Variants in SMIM22 observed in about 807,000 individuals in gnomAD.
The protein encoded by SMIM22 is cancer associated small integral membrane open reading frame 1.
SMIM22 carries 16 observed loss-of-function variants against 8.4 expected under a neutral mutation model. The ratio of observed to expected loss-of-function variants is 1.90; its 90% CI spans 1.29 to 2.89. The LOEUF (loss-of-function observed/expected upper bound fraction) is 2.89, where lower values mean the gene tolerates loss of function less well. Among genes scored for constraint, SMIM22 ranks in the 30% most tolerant of loss-of-function variants. The pLI, the probability that SMIM22 is intolerant of heterozygous loss-of-function variation, is 0.00. For missense variants in SMIM22, 159 were observed against 107.5 expected (o/e 1.48, Z -2.12); for synonymous variants, 67 against 47.6 (o/e 1.41, Z -1.68).
rs1195525816 is a variant in SMIM22 at position 4,795,758 on chromosome 16, G to T, written c.24G>T (p.Leu8=). MAVSTEE[L]EATVQEVLGR... ...AGATGGCTGTGTCCACAGAGGAGCT[G>T]GAGGCCACGGTTCAGGAAGTCCTGG... The change falls in exon 2 of 4, where the codon CTG becomes CTT. Residue 8 remains leucine (L), a synonymous_variant. Transcript: ENST00000586005. 6.5e-7 allele frequency: 1 copy of T among 1,535,814 alleles called. No homozygotes were observed. The highest frequency in any genetic ancestry group is 2.4e-5 in the East Asian group (1 of 40,920).
rs2082644777 is a variant in SMIM22, at chr16:4,796,343, A to G, written c.*112A>G. ...TGGGTGACGCGGGACTCGCCGCCCC[A>G]CTCAGGTGGCCACCTGGCCTCTCCA... On this transcript the variant is annotated 3_prime_UTR_variant, in exon 4 of 4. Transcript: ENST00000586005. The G allele has an allele frequency of 7.6e-7, 1 of 1,309,266 alleles. No homozygotes were observed. Among genetic ancestry groups the G allele is most frequent in the East Asian group, 2.5e-5 (1 of 39,470 alleles). The allele number at this position is 1,309,266 out of a possible 1,614,324, so 81.1% of individuals were successfully genotyped here. A position where few individuals can be genotyped will look rare whatever the true frequency, so the allele number is the denominator to read the frequency against.
chr16:4,793,879 C>T (rs753976592), upstream of SMIM22, among the ~76,000 whole-genome samples: 5 of 151,988 alleles, frequency 3.3e-5, no homozygotes, highest in African/African-American at 9.7e-5. Flanking sequence ...TGGGTTCAAG[C>T]GATTCTCCTG....
chr16:4,794,245 C>CT (rs1054918315), upstream of SMIM22, among the ~76,000 whole-genome samples: 2 of 148,794 alleles, frequency 1.3e-5, no homozygotes, highest in African/African-American at 2.5e-5. Context: ...GTAGTTGGGA[C>CT]TATAGGCGCG....
At chr16:4,795,621 G>A in intron 1 of SMIM22, 94 bp from the exon 2 acceptor site, 2 of 1,430,570 alleles carry the variant, frequency 1.4e-6, no homozygotes, top group Non-Finnish European at 1.8e-6. Context: ...CGCTGGGCCA[G>A]GAGCGGGCAG....
Position 4,795,702 on chromosome 16 carries a change from G to A in SMIM22, c.-20-13G>A. ...CCCAGGATCCTGATGCAGCCTCTGGGGGACCGGGGCAGGTGGCACGGTGCA... is the reference window on the plus strand; with the variant it reads ...CCCAGGATCCTGATGCAGCCTCTGGAGGACCGGGGCAGGTGGCACGGTGCA... On this transcript the variant is annotated splice_polypyrimidine_tract_variant and intron_variant, in intron 1 of 3. Coordinates refer to ENST00000586005, the MANE Select transcript of SMIM22 (RefSeq NM_001253794.2). The A allele has an allele frequency of 1.3e-6, 2 of 1,533,180 alleles. No individual in the cohort carries two copies. The highest frequency in any genetic ancestry group is 1.7e-6 in the Non-Finnish European group (2 of 1,145,822). 95.0% of individuals were successfully genotyped at this position (1,533,180 alleles called of 1,614,324 possible).
At chr16:4,792,222 G>A (rs1365693297), upstream of SMIM22, among the ~76,000 whole-genome samples, 1 of 150,014 alleles carries the variant, frequency 6.7e-6, no homozygotes, top group Non-Finnish European at 1.5e-5. Context: ...ACAGAGTCTC[G>A]CTCTGTCGCC....
chr16:4,792,939 G>A (rs1467338409), upstream of SMIM22, among the ~76,000 whole-genome samples: 1 of 151,574 alleles, frequency 6.6e-6, no homozygotes, highest in Non-Finnish European at 1.5e-5. Flanking sequence ...GTGAAACCCA[G>A]TCTCTACTAA....
chr16:4,796,151 C>T (rs758556325), intron 3 of SMIM22, 39 bp from the exon 4 acceptor site: 92 of 1,535,806 alleles, frequency 6.0e-5, no homozygotes, highest in Non-Finnish European at 7.8e-5. Flanking sequence ...TAGGGAACAA[C>T]GAGCGAACCT....
chr16:4,795,611 C>T (rs1426036538), intron 1 of SMIM22, 104 bp from the exon 2 acceptor site: 48 of 1,375,816 alleles, frequency 3.5e-5, no homozygotes, highest in South Asian at 4.4e-5. Context: ...GGGAAGCTGG[C>T]GCTGGGCCAG....
At chr16:4,794,406 C>A (rs1195933371), upstream of SMIM22, among the ~76,000 whole-genome samples, 1 of 149,646 alleles carries the variant, frequency 6.7e-6, no homozygotes, top group African/African-American at 2.5e-5. Flanking sequence ...CACACCCGAC[C>A]AATTTTTGTA....
rs560707284 is a variant in SMIM22, at chr16:4,796,007, G to A, written c.184G>A (p.Gly62Arg). ...VAHCCCCSSP[G>R]PRRESPRKVS... ...CCACTGCTGCTGCTGCAGCTCCCCC[G>A]GGCCCCGCAGGGAAAGCCCCAGGAA... The change falls in exon 3 of 4, where the codon GGG becomes AGG. Residue 62 changes from glycine to arginine, a missense_variant. Gly to Arg is a moderately radical substitution (Grantham distance 125). Transcript: ENST00000586005. 1.4e-5 allele frequency: 21 copies of A among 1,512,758 alleles called. No homozygotes were observed. The Admixed American group carries it at 1.6e-4, about 12-fold the overall frequency. 93.7% of individuals were successfully genotyped at this position (1,512,758 alleles called of 1,614,324 possible).
chr16:4,795,838 T>C lies in SMIM22; in HGVS notation c.104T>C (p.Ile35Thr), dbSNP rs118018626. 8.7e-5 allele frequency: 134 copies of C among 1,535,788 alleles called. No individual in the cohort carries two copies. In the African/African-American group the frequency reaches 1.4e-3, roughly 16 times the overall value. ...TCCACATGGGACACTGTTGCCTTCATTGTTTTCCTCACCTTCATGGGTAAG... is the reference window on the plus strand; with the variant it reads ...TCCACATGGGACACTGTTGCCTTCACTGTTTTCCTCACCTTCATGGGTAAG... The part of the protein sequence containing the change: ...FQSTWDTVAF[I>T]VFLTFMGTVL... Residue 35 changes from isoleucine to threonine, a missense_variant, in exon 2 of 4, where the codon ATT becomes ACT. By Grantham distance (89) the Ile-to-Thr change is moderately conservative (BLOSUM62 -1). Transcript: ENST00000586005.
rs542776969 is a variant in SMIM22 at position 4,795,586 on chromosome 16, G to A, written c.-20-129G>A. The A allele has an allele frequency of 3.5e-6, 4 of 1,152,956 alleles. No individual in the cohort carries two copies. In the South Asian group the frequency reaches 6.3e-5, roughly 18 times the overall value. The allele number at this position is 1,152,956 out of a possible 1,614,324, so 71.4% of individuals were successfully genotyped here. On this transcript the variant is annotated intron_variant, in intron 1 of 3. Transcript: ENST00000586005. ...TGGGCCTGGGGCCGAGGGAGAAGTGGAGTGGGAGGGGGTGGGGAAGCTGGC... is the reference window on the plus strand; with the variant it reads ...TGGGCCTGGGGCCGAGGGAGAAGTGAAGTGGGAGGGGGTGGGGAAGCTGGC...
chr16:4,789,510 T>C (rs1232242468), intron 2 of SMIM22, among the ~76,000 whole-genome samples: 1 of 151,972 alleles, frequency 6.6e-6, no homozygotes, highest in African/African-American at 2.4e-5. Context: ...CTATTTTTAG[T>C]AGAGACTGGT....
chr16:4,790,760 G>C (rs2082539022), upstream of SMIM22, among the ~76,000 whole-genome samples: 3 of 152,196 alleles, frequency 2.0e-5, no homozygotes, highest in South Asian at 4.1e-4. Flanking sequence ...TTGCACTCCA[G>C]CCTGGGCGAC....
chr16:4,793,113 A>G (rs1419676065), upstream of SMIM22, among the ~76,000 whole-genome samples: 1 of 150,984 alleles, frequency 6.6e-6, no homozygotes, highest in Admixed American at 6.6e-5. Flanking sequence ...CTGTCTCAAA[A>G]AAAAAAAAAA....
upstream of SMIM22, among the ~76,000 whole-genome samples, chr16:4,793,738 CAATT>C (rs889061659): frequency 6.6e-6 from 1 of 152,120 alleles, no homozygotes; most frequent in African/African-American, 2.4e-5. Context: ...TACAATGTAA[CAATT>C]ATTTACCTAG....
chr16:4,789,380 T>C (rs1293079236), intron 2 of SMIM22, among the ~76,000 whole-genome samples: 1 of 150,672 alleles, frequency 6.6e-6, no homozygotes, highest in Non-Finnish European at 1.5e-5. Flanking sequence ...GGCTGGAGTT[T>C]AGTGGCATGA....
chr16:4,794,039 G>C (rs577019175), upstream of SMIM22, among the ~76,000 whole-genome samples: 26 of 151,996 alleles, frequency 1.7e-4, no homozygotes, highest in Non-Finnish European at 3.5e-4. Flanking sequence ...GGGTTCAAGC[G>C]ATTCTCCTGC....
Sources: allele counts gnomAD v4.1 joint callset (sites outside exome capture counted in the v4.1 genomes callset), GRCh38; gene constraint gnomAD v4.1.1; transcripts MANE v1.5; gene names NCBI Gene and HGNC (gene_info 2026-07-23, HGNC 2026-07-21).